PACRG: variants seen among roughly 807,000 people sequenced by gnomAD.
PACRG encodes parkin coregulated, also known as parkin coregulated gene protein.
In PACRG, 29 loss-of-function variants were observed where a neutral mutation model predicts 29.7. The observed-to-expected ratio is 0.98, with a 90% CI of 0.73 to 1.33. The LOEUF (loss-of-function observed/expected upper bound fraction) is 1.33, where lower values mean the gene tolerates loss of function less well. Ranked by LOEUF, PACRG falls within the 40% of genes most tolerant of loss-of-function variation. The pLI is 0.00. For synonymous variants in PACRG, 116 were observed against 118.7 expected (o/e 0.98, Z 0.15); for missense variants, 279 against 316.2 (o/e 0.88, Z 0.89).
At chr6:162,958,322 C>T (rs976814623) in intron 2 of PACRG, among the ~76,000 whole-genome samples, 7 of 152,050 alleles carry the variant, frequency 4.6e-5, no homozygotes, top group Non-Finnish European at 1.0e-4. Context: ...TTTAAAAACC[C>T]ATTTTTAAAA....
intron 2 of PACRG, among the ~76,000 whole-genome samples, chr6:162,897,541 G>A (rs1000313907): frequency 8.5e-5 from 13 of 152,248 alleles, no homozygotes; most frequent in Middle Eastern, 3.4e-3. Flanking sequence ...ATGTGTATAC[G>A]TAAGAAAAGC....
chr6:163,278,316 G>C (rs919215196), intron 4 of PACRG, among the ~76,000 whole-genome samples: 4 of 152,114 alleles, frequency 2.6e-5, no homozygotes, highest in Admixed American at 1.3e-4. Context: ...TTCTTTTGCT[G>C]TGCAGAAGCT....
intron 2 of PACRG, among the ~76,000 whole-genome samples, chr6:163,005,523 A>T (rs1804984156): frequency 6.6e-6 from 1 of 151,574 alleles, no homozygotes; most frequent in Non-Finnish European, 1.5e-5. Context: ...ATACTTAAAA[A>T]TTTTTCTTCT....
intron 2 of PACRG, among the ~76,000 whole-genome samples, chr6:162,986,905 TA>T (rs1289562100): frequency 1.3e-5 from 2 of 151,970 alleles, no homozygotes; most frequent in African/African-American, 4.8e-5. Flanking sequence ...TTTCCCTGGA[TA>T]ATTTTTCATT....
intron 3 of PACRG, among the ~76,000 whole-genome samples, chr6:163,076,526 A>G (rs1412566794): frequency 1.3e-5 from 2 of 152,224 alleles, no homozygotes; most frequent in African/African-American, 4.8e-5. Flanking sequence ...TTTTAAGGGC[A>G]GACTCCTCTC....
chr6:162,767,451 T>C (rs1584289211), intron 1 of PACRG, among the ~76,000 whole-genome samples: 1 of 152,012 alleles, frequency 6.6e-6, no homozygotes, highest in East Asian at 1.9e-4. Flanking sequence ...TATATATCTA[T>C]TTCAGCTTTC....
At chr6:163,000,691 A>G (rs1398317687) in intron 2 of PACRG, among the ~76,000 whole-genome samples, 1 of 152,146 alleles carries the variant, frequency 6.6e-6, no homozygotes, top group Non-Finnish European at 1.5e-5. Context: ...CAACAAATGG[A>G]AATTCACGTG....
chr6:163,105,832 T>C (rs1202833724), intron 4 of PACRG, among the ~76,000 whole-genome samples: 8 of 152,308 alleles, frequency 5.3e-5, no homozygotes, highest in African/African-American at 1.9e-4. Context: ...AATTGCTTCT[T>C]GCCTAAACTA....
chr6:163,295,762 C>T (rs1184141450), intron 4 of PACRG, among the ~76,000 whole-genome samples: 1 of 152,214 alleles, frequency 6.6e-6, no homozygotes, highest in Non-Finnish European at 1.5e-5. Context: ...ATTTAACCTT[C>T]ACAGCCACAC....
chr6:163,164,331 C>G (rs1022813648), intron 4 of PACRG, among the ~76,000 whole-genome samples: 3 of 152,220 alleles, frequency 2.0e-5, no homozygotes, highest in Non-Finnish European at 4.4e-5. Flanking sequence ...CTGCCAATCT[C>G]TTCCTCTTCT....
intron 4 of PACRG, chr6:163,090,222 CACAA>C (rs1229126038): frequency 1.3e-5 from 2 of 152,134 alleles, no homozygotes; most frequent in East Asian, 1.9e-4. Context: ...CAGCTCCTGC[CACAA>C]ACAGACTTTT....
intron 2 of PACRG, among the ~76,000 whole-genome samples, chr6:162,889,240 T>C (rs1794586956): frequency 6.6e-6 from 1 of 152,186 alleles, no homozygotes. Flanking sequence ...ATATTAAGTC[T>C]GTTCAGATGA....
intron 4 of PACRG, among the ~76,000 whole-genome samples, chr6:163,109,200 A>T (rs1466600765): frequency 6.6e-6 from 1 of 152,242 alleles, no homozygotes; most frequent in Non-Finnish European, 1.5e-5. Context: ...TTTACAAAGA[A>T]TCCAATGGTG....
rs568015350 is a variant in PACRG at position 163,214,728 on chromosome 6, GGTT to G, written c.614-100093_614-100091del. ...TTGGGTAATTCTCTTTATGTTTTCAGGTTGTTGTAATTCTTCTTTCCAGTATTC... is the reference window on the plus strand; with the variant it reads ...TTGGGTAATTCTCTTTATGTTTTCAGGTTGTAATTCTTCTTTCCAGTATTC... On this transcript the variant is annotated intron_variant, in intron 4 of 4. Coordinates refer to ENST00000366888, the MANE Select transcript of PACRG (RefSeq NM_001080379.2). Among the ~76,000 whole-genome samples the G allele has an allele frequency of 7.2e-5, 11 of 151,960 alleles. No homozygotes were observed. In the East Asian group the frequency reaches 2.1e-3, roughly 29 times the overall value.
chr6:163,125,913 G>A (rs1585244759), intron 4 of PACRG, among the ~76,000 whole-genome samples: 1 of 152,154 alleles, frequency 6.6e-6, no homozygotes, highest in African/African-American at 2.4e-5. Flanking sequence ...TTAATCAAAT[G>A]ATACATATGT....
chr6:162,760,918 G>A (rs533831521), intron 1 of PACRG, among the ~76,000 whole-genome samples: 1 of 152,158 alleles, frequency 6.6e-6, no homozygotes, highest in Non-Finnish European at 1.5e-5. Flanking sequence ...CTCAGATGAG[G>A]GTTGTCATAG....
intron 4 of PACRG, among the ~76,000 whole-genome samples, chr6:163,138,155 A>G (rs980599152): frequency 2.6e-5 from 4 of 152,358 alleles, no homozygotes; most frequent in African/African-American, 7.2e-5. Flanking sequence ...TTTGACAGTA[A>G]TGTTTTTATA....
intron 2 of PACRG, among the ~76,000 whole-genome samples, chr6:162,986,297 C>T (rs1442723694): frequency 1.3e-5 from 2 of 152,148 alleles, no homozygotes; most frequent in African/African-American, 4.8e-5. Flanking sequence ...CCTCACATTA[C>T]TTAACCTCAA....
At chr6:163,037,323 C>T (rs372181072) in intron 2 of PACRG, among the ~76,000 whole-genome samples, 1 of 152,218 alleles carries the variant, frequency 6.6e-6, no homozygotes, top group Non-Finnish European at 1.5e-5. Flanking sequence ...ATCTGCCTCA[C>T]GTTGTCCTCT....
Sources: allele counts gnomAD v4.1 joint callset (sites outside exome capture counted in the v4.1 genomes callset), GRCh38; gene constraint gnomAD v4.1.1; transcripts MANE v1.5; gene names NCBI Gene and HGNC (gene_info 2026-07-23, HGNC 2026-07-21).